The following ILRUN variants were observed in gnomAD, a reference collection of about 807,000 sequenced individuals.
ILRUN encodes the protein protein ILRUN.
In ILRUN, 3 loss-of-function variants were observed where a neutral mutation model predicts 33.8. The observed-to-expected ratio is 0.09, with a 90% CI of 0.04 to 0.23. The LOEUF (loss-of-function observed/expected upper bound fraction) is 0.23. Among genes scored for constraint, ILRUN ranks in the 10% least tolerant of loss-of-function variants. The probability of loss-of-function intolerance (pLI) is 1.00; values close to 1 mark genes in which losing one functional copy is unlikely to be tolerated. For missense variants in ILRUN, 210 were observed against 375.1 expected, an observed-to-expected ratio of 0.56 and a Z score of 3.64; for synonymous variants, 124 against 138.9, an observed-to-expected ratio of 0.89 and a Z score of 0.75.
In ILRUN at chr6:34,595,906, G is replaced by A. The variant is rs1761390207; in HGVS notation, c.862-5306C>T. ...TCATTTCCTGGGTCAGTCCTGGTCA[G>A]TGCTTCTTCCGCCTAGTGCTCCTTT... On this transcript the variant is annotated intron_variant, in intron 4 of 4. Coordinates refer to ENST00000374023, the MANE Select transcript of ILRUN (RefSeq NM_024294.4). 1.1e-5 allele frequency: 11 copies of A among 985,342 alleles called. No homozygotes were observed. The South Asian group carries it at 4.2e-4, about 38-fold the overall frequency. 61.0% of individuals were successfully genotyped at this position (985,342 alleles called of 1,614,324 possible).
chr6:34,681,818 T>C, intron 1 of ILRUN, among the ~76,000 whole-genome samples: 1 of 151,096 alleles, frequency 6.6e-6, no homozygotes, highest in East Asian at 1.9e-4. Flanking sequence ...TTTTACTATA[T>C]TTCAAATGAC....
intron 2 of ILRUN, among the ~76,000 whole-genome samples, chr6:34,649,359 A>G (rs951678359): frequency 3.9e-5 from 6 of 152,224 alleles, no homozygotes; most frequent in African/African-American, 1.4e-4. Flanking sequence ...GAAGTATAAT[A>G]GAACTGGACT....
At chr6:34,598,844 G>C (rs181430984) in intron 4 of ILRUN, among the ~76,000 whole-genome samples, 1 of 152,290 alleles carries the variant, frequency 6.6e-6, no homozygotes, top group South Asian at 2.1e-4. Flanking sequence ...GCAAGGCTGC[G>C]AGGACTTTAC....
rs770786213 is a variant in ILRUN at position 34,588,028 on chromosome 6, C to A, written c.*2537G>T. ...AGGTAGCCACTACCACCCCACTAGGCAGGGGAGCAGAGAGGGGCCCTAGGC... is the reference window on the plus strand; with the variant it reads ...AGGTAGCCACTACCACCCCACTAGGAAGGGGAGCAGAGAGGGGCCCTAGGC... On this transcript the variant is annotated 3_prime_UTR_variant, in exon 5 of 5. Coordinates refer to ENST00000374023, the MANE Select transcript of ILRUN (RefSeq NM_024294.4). The A allele has an allele frequency of 3.0e-5, 12 of 398,590 alleles. No homozygotes were observed. The highest frequency in any genetic ancestry group is 1.2e-3 in the Middle Eastern group (2 of 1,610). The allele number at this position is 398,590 out of a possible 1,614,324, so 24.7% of individuals were successfully genotyped here.
chr6:34,617,024 G>T, intron 3 of ILRUN: 1 of 536,070 alleles, frequency 1.9e-6, no homozygotes, highest in South Asian at 1.4e-5. Flanking sequence ...TGCTCTGACA[G>T]ACAACACTTT....
intron 3 of ILRUN, among the ~76,000 whole-genome samples, chr6:34,635,216 A>G (rs191447250): frequency 1.1e-4 from 16 of 152,264 alleles, no homozygotes; most frequent in African/African-American, 3.6e-4. Context: ...GATCATGTCA[A>G]AACAAACTAT....
chr6:34,683,478 A>G (rs1763437376), intron 1 of ILRUN, among the ~76,000 whole-genome samples: 2 of 97,746 alleles, frequency 2.0e-5, no homozygotes, highest in South Asian at 2.7e-4. Context: ...ATATACACAT[A>G]TATATATACA....
intron 3 of ILRUN, among the ~76,000 whole-genome samples, chr6:34,611,226 C>T (rs986697012): frequency 2.6e-5 from 4 of 151,786 alleles, no homozygotes; most frequent in Non-Finnish European, 5.9e-5. Context: ...GGATTACAGG[C>T]ATAAGCCACT....
chr6:34,605,809 A>G (rs1283015676), intron 4 of ILRUN, among the ~76,000 whole-genome samples: 3 of 152,234 alleles, frequency 2.0e-5, no homozygotes, highest in African/African-American at 4.8e-5. Context: ...GTAGGATGCT[A>G]GGCTTAATAT....
chr6:34,672,492 T>C (rs1343521051), intron 1 of ILRUN, among the ~76,000 whole-genome samples: 2 of 151,930 alleles, frequency 1.3e-5, no homozygotes, highest in Non-Finnish European at 2.9e-5. Context: ...GGTGGGAGGA[T>C]CTCATGAGCC....
intron 3 of ILRUN, among the ~76,000 whole-genome samples, chr6:34,621,254 T>A (rs1762007428): frequency 6.6e-6 from 1 of 152,168 alleles, no homozygotes; most frequent in Non-Finnish European, 1.5e-5. Context: ...TTAACCAGCC[T>A]TTTTGGTAGA....
intron 4 of ILRUN, among the ~76,000 whole-genome samples, chr6:34,595,245 T>C (rs1185169653): frequency 2.0e-5 from 3 of 152,256 alleles, no homozygotes; most frequent in Non-Finnish European, 4.4e-5. Context: ...ACTTATCTTA[T>C]GTGAGGGTAA....
intron 3 of ILRUN, among the ~76,000 whole-genome samples, chr6:34,633,188 G>C: frequency 6.6e-6 from 1 of 151,970 alleles, no homozygotes; most frequent in East Asian, 1.9e-4. Flanking sequence ...GGAAGAAAAG[G>C]GATATTACAC....
intron 3 of ILRUN, among the ~76,000 whole-genome samples, chr6:34,623,531 ATAATCTGAGTGGG>A (rs1762049616): frequency 6.6e-6 from 1 of 152,332 alleles, no homozygotes; most frequent in Admixed American, 6.5e-5. Flanking sequence ...GAAAAAAAGC[ATAATCTGAGTGGG>A]TAATAGCACT....
chr6:34,605,444 A>T (rs1025479980), intron 4 of ILRUN, among the ~76,000 whole-genome samples: 1 of 152,004 alleles, frequency 6.6e-6, no homozygotes, highest in African/African-American at 2.4e-5. Flanking sequence ...CCCAGCCAAC[A>T]TAGTGAAACC....
intron 1 of ILRUN, among the ~76,000 whole-genome samples, chr6:34,666,425 G>T (rs568428930): frequency 6.6e-6 from 1 of 152,236 alleles, no homozygotes; most frequent in South Asian, 2.1e-4. Context: ...GCCAGGCGTG[G>T]TGTTGCATGC....
chr6:34,648,951 T>C (rs545667256), intron 2 of ILRUN, among the ~76,000 whole-genome samples: 104 of 152,312 alleles, frequency 6.8e-4, no homozygotes, highest in East Asian at 1.7e-3. Flanking sequence ...GCTGAGATGA[T>C]TGGGTCATCT....
rs535016768 is a variant in ILRUN, at chr6:34,630,640, C to T, written c.511+15961G>A. ...CTCGTGATCCGCCCGCCTTGGCCTC[C>T]CAAAGTGCTGGGATTATGGCGTGAG... On this transcript the variant is annotated intron_variant, in intron 3 of 4. Transcript: ENST00000374023. Among the ~76,000 whole-genome samples the T allele has an allele frequency of 2.0e-5, 3 of 152,270 alleles. No individual in the cohort carries two copies. The South Asian group carries it at 6.2e-4, about 32-fold the overall frequency.
At chr6:34,668,841 AT>A (rs34742011) in intron 1 of ILRUN, among the ~76,000 whole-genome samples, 1,879 of 132,518 alleles carry the variant, frequency 0.014, 15 homozygotes, top group East Asian at 0.03. Flanking sequence ...TGCCTGGCTA[AT>A]TTTTTTTTTT....
Sources: gnomAD v4.1 joint callset for allele counts (sites outside exome capture counted in the v4.1 genomes callset) on GRCh38, gnomAD v4.1.1 for gene constraint, MANE v1.5 for transcripts, NCBI Gene and HGNC (gene_info 2026-07-23, HGNC 2026-07-21) for gene names.